Variants in PCDH9 observed in about 807,000 individuals in gnomAD.
PCDH9 encodes protocadherin 9, also known as protocadherin-9.
PCDH9 carries 24 observed loss-of-function variants against 70.6 expected under a neutral mutation model. The ratio of observed to expected loss-of-function variants is 0.34; its 90% CI spans 0.25 to 0.48. PCDH9 has a LOEUF of 0.48. Among genes scored for constraint, PCDH9 ranks in the 20% least tolerant of loss-of-function variants. The pLI is 0.99. For synonymous variants in PCDH9, 562 were observed against 558.5 expected (o/e 1.01, Z -0.09); for missense variants, 1,281 against 1,503.6 (o/e 0.85, Z 2.45).
intron 2 of PCDH9, among the ~76,000 whole-genome samples, chr13:67,155,635 G>A (rs573809876): frequency 4.3e-4 from 66 of 152,150 alleles, no homozygotes; most frequent in Non-Finnish European, 6.8e-4. Flanking sequence ...TTCCCTCTGT[G>A]TTTTCTAAGG....
chr13:66,875,075 T>A (rs916928655), intron 3 of PCDH9, among the ~76,000 whole-genome samples: 4 of 152,054 alleles, frequency 2.6e-5, no homozygotes. Flanking sequence ...AAAAAATAAC[T>A]TCAGGCCACT....
chr13:66,441,395 A>C (rs1724997772), intron 4 of PCDH9, among the ~76,000 whole-genome samples: 1 of 152,184 alleles, frequency 6.6e-6, no homozygotes, highest in Admixed American at 6.6e-5. Flanking sequence ...CTATGTCTTG[A>C]AGGAGGGAAG....
In PCDH9 at chr13:66,304,259, AC is replaced by A. The variant is rs1955420653; in HGVS notation, c.*395del. ...ATAGCAGTCCCAGCACAAATCAATG[AC>A]AAAAAAAAAAAAAAAAAAAAAAAAA... On this transcript the variant is annotated 3_prime_UTR_variant, in exon 5 of 5. Transcript: ENST00000377865. 7.7e-6 allele frequency: 1 copy of A among 129,538 alleles called. No homozygotes were observed. The allele number at this position is 129,538 out of a possible 1,614,324, so 8.0% of individuals were successfully genotyped here.
At position 67,105,494 on chromosome 13, in the gene PCDH9, G is replaced by C. The variant is rs78161918; in HGVS notation, c.3036+119911C>G. ...AATTCTCTGGGTACCCAGAGATGAA[G>C]TGAGCCTATGTATTAACTATTATAA... is the stretch of plus-strand genomic sequence containing the variant. On this transcript the variant is annotated intron_variant, in intron 2 of 4. Coordinates refer to ENST00000377865, the MANE Select transcript of PCDH9 (RefSeq NM_203487.3). Among the ~76,000 whole-genome samples, 737 of 152,108 alleles carry C rather than the reference G, an allele frequency of 4.8e-3. 7 individuals are homozygous for C. The highest frequency in any genetic ancestry group is 0.017 in the African/African-American group (685 of 41,512).
intron 2 of PCDH9, among the ~76,000 whole-genome samples, chr13:67,129,911 C>A (rs1465048401): frequency 6.6e-6 from 1 of 151,660 alleles, no homozygotes; most frequent in African/African-American, 2.4e-5. Flanking sequence ...GACCATATTC[C>A]TTATTATTAA....
At chr13:66,638,283 T>C (rs1046922346) in intron 3 of PCDH9, among the ~76,000 whole-genome samples, 1 of 152,198 alleles carries the variant, frequency 6.6e-6, no homozygotes, top group Admixed American at 6.5e-5. Flanking sequence ...CATAATGTCA[T>C]TCTCTTCTAA....
At chr13:67,184,109 T>C (rs923659933) in intron 2 of PCDH9, among the ~76,000 whole-genome samples, 4 of 152,132 alleles carry the variant, frequency 2.6e-5, no homozygotes, top group Admixed American at 2.0e-4. Context: ...GCGCAAAAAA[T>C]AAAGAGAATA....
intron 3 of PCDH9, among the ~76,000 whole-genome samples, chr13:66,765,322 TG>T (rs2079698069): frequency 6.6e-6 from 1 of 152,028 alleles, no homozygotes; most frequent in Non-Finnish European, 1.5e-5. Flanking sequence ...GATCCAACCC[TG>T]AAAAAAGATA....
intron 2 of PCDH9, among the ~76,000 whole-genome samples, chr13:67,050,294 A>C (rs1005739698): frequency 2.0e-5 from 3 of 152,092 alleles, no homozygotes; most frequent in African/African-American, 7.2e-5. Context: ...AACTCTCCAA[A>C]CACTCCTGAG....
intron 2 of PCDH9, among the ~76,000 whole-genome samples, chr13:67,124,797 A>T (rs567792929): frequency 6.6e-6 from 1 of 152,294 alleles, no homozygotes; most frequent in South Asian, 2.1e-4. Flanking sequence ...CTTGTTTTGA[A>T]ATATACAATG....
At position 66,812,975 on chromosome 13, in the gene PCDH9, T is replaced by C. The variant is rs577715976; in HGVS notation, c.3138+90529A>G. On this transcript the variant is annotated intron_variant, in intron 3 of 4. Transcript: ENST00000377865. ...CATTCTGTAGTATCCAAAATGAGGA[T>C]AGATCTCCAAAAGAGCAAACCACTC... Among the ~76,000 whole-genome samples, 5 of 152,296 alleles carry C rather than the reference T, an allele frequency of 3.3e-5. No homozygotes were observed. In the South Asian group the frequency reaches 1.0e-3, roughly 32 times the overall value.
intron 4 of PCDH9, among the ~76,000 whole-genome samples, chr13:66,548,479 C>T (rs905128248): frequency 1.3e-4 from 20 of 152,010 alleles, no homozygotes; most frequent in Middle Eastern, 3.4e-3. Flanking sequence ...GTGGGAGAAT[C>T]GCTTGAACCC....
chr13:66,693,926 A>G (rs1037244883), intron 3 of PCDH9, among the ~76,000 whole-genome samples: 30 of 152,208 alleles, frequency 2.0e-4, no homozygotes, highest in African/African-American at 7.0e-4. Context: ...GCTACACATT[A>G]TCTCACAACT....
intron 2 of PCDH9, among the ~76,000 whole-genome samples, chr13:67,181,423 G>A (rs1424534909): frequency 6.6e-6 from 1 of 152,130 alleles, no homozygotes; most frequent in Admixed American, 6.5e-5. Context: ...AGGAGAGAGA[G>A]GAGAGAGGAA....
chr13:66,380,674 A>G (rs966808794), intron 4 of PCDH9, among the ~76,000 whole-genome samples: 53 of 151,168 alleles, frequency 3.5e-4, no homozygotes, highest in Non-Finnish European at 5.6e-4. Context: ...CTCCTGAGTA[A>G]CTGGGACTAC....
intron 3 of PCDH9, among the ~76,000 whole-genome samples, chr13:66,740,098 C>T (rs1187935143): frequency 1.0e-4 from 15 of 148,264 alleles, no homozygotes; most frequent in African/African-American, 3.2e-4. Context: ...AAGTAAAGCT[C>T]TCCTCAGCAA....
intron 4 of PCDH9, among the ~76,000 whole-genome samples, chr13:66,600,058 T>C (rs547988007): frequency 6.6e-6 from 1 of 152,004 alleles, no homozygotes; most frequent in South Asian, 2.1e-4. Context: ...CTCAGTCACA[T>C]ATAAGCTGTC....
At chr13:66,992,227 T>A (rs1419150981) in intron 2 of PCDH9, among the ~76,000 whole-genome samples, 3 of 152,182 alleles carry the variant, frequency 2.0e-5, no homozygotes, top group African/African-American at 7.2e-5. Context: ...TCATCTCTAC[T>A]GATAACTGCA....
At chr13:66,959,559 C>A (rs2083312733) in intron 2 of PCDH9, among the ~76,000 whole-genome samples, 1 of 151,762 alleles carries the variant, frequency 6.6e-6, no homozygotes. Flanking sequence ...TTGAGACCAG[C>A]CTGGGCAACA....
Sources: gnomAD v4.1 joint callset for allele counts (sites outside exome capture counted in the v4.1 genomes callset) on GRCh38, gnomAD v4.1.1 for gene constraint, MANE v1.5 for transcripts, NCBI Gene and HGNC (gene_info 2026-07-23, HGNC 2026-07-21) for gene names.